NCOA2: variants seen among roughly 807,000 people sequenced by gnomAD.
The protein encoded by NCOA2 is class E basic helix-loop-helix protein 75.
A neutral mutation model predicts 145.1 loss-of-function variants in NCOA2; 21 were observed. That is an observed-to-expected ratio of 0.14 (90% CI 0.10 to 0.21). The LOEUF (loss-of-function observed/expected upper bound fraction) is 0.21. Ranked by LOEUF, NCOA2 falls within the 10% of genes least tolerant of loss-of-function variation. NCOA2 has a pLI of 1.00. For missense variants in NCOA2, 1,472 were observed against 1,837.6 expected (o/e 0.80, Z 3.64); for synonymous variants, 619 against 637.5 (o/e 0.97, Z 0.44).
chr8:70,267,051 C>CAATT (rs1254063498), intron 2 of NCOA2, among the ~76,000 whole-genome samples: 3 of 152,150 alleles, frequency 2.0e-5, no homozygotes, highest in Non-Finnish European at 4.4e-5. Flanking sequence ...GAACTTTGAA[C>CAATT]AATTACAGCA....
chr8:70,195,139 T>C (rs1817143782), intron 4 of NCOA2, among the ~76,000 whole-genome samples: 2 of 152,282 alleles, frequency 1.3e-5, no homozygotes, highest in South Asian at 4.1e-4. Context: ...AAGTCAGCAC[T>C]CTGTATGTGT....
chr8:70,193,009 G>A (rs1315978113), intron 4 of NCOA2, among the ~76,000 whole-genome samples: 1 of 145,978 alleles, frequency 6.9e-6, no homozygotes, highest in Non-Finnish European at 1.5e-5. Flanking sequence ...AGAGGTTGCA[G>A]TGAGCCGAGA....
chr8:70,312,195 GA>G (rs1270407717), intron 1 of NCOA2, among the ~76,000 whole-genome samples: 1 of 151,978 alleles, frequency 6.6e-6, no homozygotes, highest in Non-Finnish European at 1.5e-5. Flanking sequence ...CAAGGAAGGG[GA>G]AAAAATGGTG....
intron 1 of NCOA2, among the ~76,000 whole-genome samples, chr8:70,366,370 G>C (rs957404186): frequency 6.6e-6 from 1 of 152,142 alleles, no homozygotes; most frequent in Non-Finnish European, 1.5e-5. Flanking sequence ...GCTCTGTACA[G>C]TATCTAATAC....
intron 9 of NCOA2, among the ~76,000 whole-genome samples, chr8:70,161,858 A>G (rs952229990): frequency 8.5e-5 from 13 of 152,316 alleles, no homozygotes; most frequent in East Asian, 5.8e-4. Flanking sequence ...TCCCTCCCCA[A>G]ATTAGCACAT....
intron 2 of NCOA2, among the ~76,000 whole-genome samples, chr8:70,275,339 GTACT>G (rs1290483140): frequency 1.3e-5 from 2 of 151,822 alleles, no homozygotes; most frequent in East Asian, 3.9e-4. Flanking sequence ...AAAGAAATAA[GTACT>G]TATATATAGT....
intron 1 of NCOA2, among the ~76,000 whole-genome samples, chr8:70,364,094 G>A (rs1810455919): frequency 6.6e-6 from 1 of 151,944 alleles, no homozygotes; most frequent in Non-Finnish European, 1.5e-5. Flanking sequence ...ATGGGACACA[G>A]TCTCCAGTTA....
chr8:70,365,434 A>G (rs147933028), intron 1 of NCOA2, among the ~76,000 whole-genome samples: 1 of 152,360 alleles, frequency 6.6e-6, no homozygotes, highest in African/African-American at 2.4e-5. Flanking sequence ...TCTAGTTAAA[A>G]ACAAGGAATC....
intron 1 of NCOA2, among the ~76,000 whole-genome samples, chr8:70,306,749 C>T (rs377607706): frequency 2.0e-5 from 3 of 152,182 alleles, no homozygotes; most frequent in Non-Finnish European, 2.9e-5. Flanking sequence ...TGTGGTGGCG[C>T]GTGCCTGCAG....
intron 16 of NCOA2, among the ~76,000 whole-genome samples, chr8:70,129,787 C>T (rs1046062725): frequency 3.9e-5 from 6 of 152,172 alleles, no homozygotes; most frequent in African/African-American, 1.2e-4. Context: ...TCTCCTGCCT[C>T]AGCCTCCCAA....
chr8:70,206,462 ATTTGT>A (rs896207500), intron 4 of NCOA2, among the ~76,000 whole-genome samples: 13 of 152,276 alleles, frequency 8.5e-5, no homozygotes, highest in African/African-American at 2.2e-4. Flanking sequence ...GTTTTCCAGC[ATTTGT>A]TTTAACTTCA....
chr8:70,226,178 G>A lies in NCOA2; in HGVS notation c.-19-9414C>T, dbSNP rs193084580. 2.4e-3 allele frequency among the ~76,000 whole-genome samples: 372 copies of A among 152,068 alleles called. 2 individuals are homozygous for A. The highest frequency in any genetic ancestry group is 8.3e-3 in the African/African-American group (345 of 41,490). ...GTTAAATTATTTCAATGGGCATTACGGATGTAATTTAATTTTTGTATTTTC... is the reference window on the plus strand; with the variant it reads ...GTTAAATTATTTCAATGGGCATTACAGATGTAATTTAATTTTTGTATTTTC... On this transcript the variant is annotated intron_variant, in intron 2 of 22. Transcript: ENST00000452400.
At chr8:70,352,448 A>G (rs1212511404) in intron 1 of NCOA2, among the ~76,000 whole-genome samples, 1 of 152,204 alleles carries the variant, frequency 6.6e-6, no homozygotes, top group Non-Finnish European at 1.5e-5. Flanking sequence ...ATATAACAAG[A>G]TAATTCCAGC....
At chr8:70,215,260 G>A (rs1259376257) in intron 3 of NCOA2, among the ~76,000 whole-genome samples, 1 of 151,998 alleles carries the variant, frequency 6.6e-6, no homozygotes, top group African/African-American at 2.4e-5. Flanking sequence ...CCTCTCACAA[G>A]GTAAGAAATA....
intron 22 of NCOA2, among the ~76,000 whole-genome samples, chr8:70,113,999 C>T (rs922241672): frequency 2.6e-5 from 4 of 152,218 alleles, no homozygotes; most frequent in Non-Finnish European, 5.9e-5. Context: ...GAACAATTCA[C>T]CCAGCTGCTT....
intron 2 of NCOA2, among the ~76,000 whole-genome samples, chr8:70,246,899 A>G (rs1423210596): frequency 1.3e-5 from 2 of 152,194 alleles, no homozygotes; most frequent in Non-Finnish European, 2.9e-5. Context: ...CATTTTACAT[A>G]AACTGCATTA....
At chr8:70,148,053 C>T (rs1272681348) in intron 12 of NCOA2, among the ~76,000 whole-genome samples, 1 of 152,146 alleles carries the variant, frequency 6.6e-6, no homozygotes, top group East Asian at 1.9e-4. Flanking sequence ...GTCTCCCTGT[C>T]CAGTGCTGAT....
At position 70,157,249 on chromosome 8, in the gene NCOA2, C is replaced by G; in HGVS notation, c.1125-9G>C. 1 of 1,495,770 alleles carries G rather than the reference C, an allele frequency of 6.7e-7. No individual in the cohort carries two copies. The highest frequency in any genetic ancestry group is 8.9e-7 in the Non-Finnish European group (1 of 1,121,762). 92.7% of individuals were successfully genotyped at this position (1,495,770 alleles called of 1,614,324 possible). A position where few individuals can be genotyped will look rare whatever the true frequency, so the allele number is the denominator to read the frequency against. On this transcript the variant is annotated splice_polypyrimidine_tract_variant and intron_variant, in intron 10 of 22. Coordinates refer to ENST00000452400, the MANE Select transcript of NCOA2 (RefSeq NM_006540.4). ...CACACACATTCTGCTCTCTGTATAA[C>G]GAGAAAAGAAAAAAATGTAAGATAA...
intron 2 of NCOA2, among the ~76,000 whole-genome samples, chr8:70,295,640 A>G (rs138724419): frequency 6.6e-6 from 1 of 152,304 alleles, no homozygotes; most frequent in East Asian, 1.9e-4. Flanking sequence ...TTAATTTCAT[A>G]TCTAGAAATA....
Sources: allele counts gnomAD v4.1 joint callset (sites outside exome capture counted in the v4.1 genomes callset), GRCh38; gene constraint gnomAD v4.1.1; transcripts MANE v1.5; gene names NCBI Gene and HGNC (gene_info 2026-07-23, HGNC 2026-07-21).